The following FOXP2 variants were observed in gnomAD, a reference collection of about 807,000 sequenced individuals.
FOXP2 encodes forkhead box protein P2.
Under a neutral mutation model 115.8 loss-of-function variants are expected in FOXP2, and 12 were observed. The ratio of observed to expected loss-of-function variants is 0.10; its 90% CI spans 0.07 to 0.17. FOXP2 has a LOEUF of 0.17. Among genes scored for constraint, FOXP2 ranks in the 10% least tolerant of loss-of-function variants. FOXP2 has a pLI of 1.00. For synonymous variants in FOXP2, 328 were observed against 297.7 expected (o/e 1.10, Z -1.05); for missense variants, 629 against 843.5 (o/e 0.75, Z 3.15).
chr7:114,317,743 A>C (rs1165898168), intron 2 of FOXP2, among the ~76,000 whole-genome samples: 1 of 152,134 alleles, frequency 6.6e-6, no homozygotes, highest in African/African-American at 2.4e-5. Context: ...CCATTTCCTA[A>C]AAATAAAATA....
At chr7:114,397,121 G>GA (rs1328739710) in intron 2 of FOXP2, among the ~76,000 whole-genome samples, 1 of 151,976 alleles carries the variant, frequency 6.6e-6, no homozygotes, top group African/African-American at 2.4e-5. Flanking sequence ...TAGAAGCAAT[G>GA]AAAAGCACAA....
intron 1 of FOXP2, among the ~76,000 whole-genome samples, chr7:114,128,902 C>G (rs1791798158): frequency 6.6e-6 from 1 of 152,116 alleles, no homozygotes; most frequent in Admixed American, 6.5e-5. Flanking sequence ...AAATGACTTT[C>G]TTCTTCATAG....
chr7:114,138,370 C>A (rs1385295124), intron 1 of FOXP2, among the ~76,000 whole-genome samples: 1 of 150,538 alleles, frequency 6.6e-6, no homozygotes, highest in Non-Finnish European at 1.5e-5. Flanking sequence ...TCCTCCTCCC[C>A]ACAACAACTC....
chr7:114,676,075 A>ATTTTTTT (rs11327459), intron 16 of FOXP2, among the ~76,000 whole-genome samples: 28 of 89,556 alleles, frequency 3.1e-4, no homozygotes, highest in African/African-American at 7.9e-4. Flanking sequence ...AGGCCCGGCT[A>ATTTTTTT]TTTTTTTTTT....
chr7:114,673,034 C>T (rs1411777224), intron 16 of FOXP2, among the ~76,000 whole-genome samples: 1 of 152,216 alleles, frequency 6.6e-6, no homozygotes, highest in Non-Finnish European at 1.5e-5. Context: ...CTGGAACATA[C>T]ACCCCGTATA....
At chr7:114,215,045 T>A (rs2129162555) in intron 1 of FOXP2, among the ~76,000 whole-genome samples, 1 of 152,300 alleles carries the variant, frequency 6.6e-6, no homozygotes, top group East Asian at 1.9e-4. Flanking sequence ...CTATTAATAT[T>A]TTTTAGAATT....
At chr7:114,269,696 G>A (rs1477057052) in intron 1 of FOXP2, among the ~76,000 whole-genome samples, 1 of 152,098 alleles carries the variant, frequency 6.6e-6, no homozygotes, top group Non-Finnish European at 1.5e-5. Context: ...TCTCTTAAAA[G>A]ACTCAACACA....
chr7:114,266,611 C>T (rs1584592439), intron 1 of FOXP2, among the ~76,000 whole-genome samples: 1 of 152,258 alleles, frequency 6.6e-6, no homozygotes, highest in East Asian at 1.9e-4. Flanking sequence ...AGGAATCCAT[C>T]CTTATGCCCC....
At chr7:114,368,513 C>T (rs1791931701) in intron 2 of FOXP2, among the ~76,000 whole-genome samples, 1 of 152,156 alleles carries the variant, frequency 6.6e-6, no homozygotes, top group Non-Finnish European at 1.5e-5. Flanking sequence ...TGATCATAGT[C>T]AGAGCCTTAA....
intron 3 of FOXP2, chr7:114,571,015 G>T: frequency 1.2e-6 from 1 of 801,032 alleles, no homozygotes; most frequent in Non-Finnish European, 2.2e-6. Flanking sequence ...TACAAATAAT[G>T]TTAAGATACA....
chr7:114,217,264 G>T (rs1188378005), intron 1 of FOXP2, among the ~76,000 whole-genome samples: 3 of 152,156 alleles, frequency 2.0e-5, no homozygotes, highest in Non-Finnish European at 4.4e-5. Flanking sequence ...TCCTGTCATG[G>T]TCTGGGCTCT....
At chr7:114,355,317 T>C (rs1021462512) in intron 2 of FOXP2, among the ~76,000 whole-genome samples, 3 of 152,194 alleles carry the variant, frequency 2.0e-5, no homozygotes, top group Non-Finnish European at 4.4e-5. Flanking sequence ...TGGCTCTCAC[T>C]TTGATTTCCC....
chr7:114,508,150 A>G (rs542536963), intron 2 of FOXP2, among the ~76,000 whole-genome samples: 1 of 152,144 alleles, frequency 6.6e-6, no homozygotes, highest in East Asian at 1.9e-4. Context: ...TAGATAGTGG[A>G]TTGGCTATGA....
chr7:114,098,100 C>G (rs1452986980), intron 1 of FOXP2, among the ~76,000 whole-genome samples: 1 of 152,160 alleles, frequency 6.6e-6, no homozygotes, highest in African/African-American at 2.4e-5. Context: ...AATATATAGA[C>G]AGGCTGCCAA....
In FOXP2 at chr7:114,389,265, G is replaced by C. The variant is rs771236802; in HGVS notation, c.-10-37237G>C. Among the ~76,000 whole-genome samples the C allele has an allele frequency of 3.4e-4, 52 of 152,182 alleles. 1 individual carries two copies. The highest frequency in any genetic ancestry group is 8.8e-5 in the Non-Finnish European group (6 of 68,024). On this transcript the variant is annotated intron_variant, in intron 2 of 17. Coordinates refer to the FOXP2 transcript ENST00000634411. The stretch of plus-strand genomic sequence containing the variant: ...CCAAGACAATATGACACATTGTGCA[G>C]TTTTCTAATGACCCCTAAGAAGCAA...
chr7:114,250,789 C>T (rs1562836439), intron 1 of FOXP2, among the ~76,000 whole-genome samples: 1 of 152,124 alleles, frequency 6.6e-6, no homozygotes, highest in Non-Finnish European at 1.5e-5. Flanking sequence ...TGTGCAGAAG[C>T]TCTTTAGTTT....
chr7:114,140,734 C>T (rs190989506), intron 1 of FOXP2, among the ~76,000 whole-genome samples: 1 of 152,236 alleles, frequency 6.6e-6, no homozygotes, highest in East Asian at 1.9e-4. Context: ...ATTTGGAGAA[C>T]AGCTTGGGTT....
intron 2 of FOXP2, among the ~76,000 whole-genome samples, chr7:114,471,815 C>A (rs547340143): frequency 3.1e-4 from 47 of 151,422 alleles, no homozygotes; most frequent in African/African-American, 1.1e-3. Flanking sequence ...AAAAAATTAG[C>A]TGGGCATGGT....
chr7:114,214,600 A>G (rs1794441929), intron 1 of FOXP2, among the ~76,000 whole-genome samples: 1 of 152,194 alleles, frequency 6.6e-6, no homozygotes, highest in Non-Finnish European at 1.5e-5. Flanking sequence ...CAATCAAGAC[A>G]CGGTATAGGC....
Sources: allele counts gnomAD v4.1 joint callset (sites outside exome capture counted in the v4.1 genomes callset), GRCh38; gene constraint gnomAD v4.1.1; transcripts MANE v1.5; gene names NCBI Gene and HGNC (gene_info 2026-07-23, HGNC 2026-07-21).